ROBO1: variants seen among roughly 807,000 people sequenced by gnomAD.
ROBO1 encodes roundabout guidance receptor 1, also known as roundabout homolog 1.
ROBO1 carries 149 observed loss-of-function variants against 195.9 expected under a neutral mutation model. That is an observed-to-expected ratio of 0.76 (90% CI 0.67 to 0.87). The LOEUF is 0.87. Among genes scored for constraint, ROBO1 ranks in the 40% least tolerant of loss-of-function variants. ROBO1 has a pLI of 0.00. For missense variants in ROBO1, 1,933 were observed against 2,068.3 expected (o/e 0.93, Z 1.27); for synonymous variants, 816 against 733.2 (o/e 1.11, Z -1.82).
chr3:79,227,932 T>C (rs147228004), intron 2 of ROBO1, among the ~76,000 whole-genome samples: 115 of 152,332 alleles, frequency 7.5e-4, no homozygotes, highest in African/African-American at 2.7e-3. Context: ...AATGTCATGT[T>C]CAATAATTGT....
At chr3:79,409,409 T>C (rs940669226) in intron 2 of ROBO1, among the ~76,000 whole-genome samples, 2 of 152,188 alleles carry the variant, frequency 1.3e-5, no homozygotes, top group Non-Finnish European at 2.9e-5. Flanking sequence ...TTATTACTGC[T>C]ATTTTAATTA....
chr3:78,711,185 G>A (rs955015996), intron 8 of ROBO1, among the ~76,000 whole-genome samples: 1 of 152,066 alleles, frequency 6.6e-6, no homozygotes, highest in Non-Finnish European at 1.5e-5. Context: ...TGATCAAATG[G>A]AGCTTACTGT....
At chr3:79,541,433 A>T (rs969034285) in intron 2 of ROBO1, among the ~76,000 whole-genome samples, 1 of 152,098 alleles carries the variant, frequency 6.6e-6, no homozygotes, top group African/African-American at 2.4e-5. Context: ...ACAGAAATTC[A>T]GAGGGATTTT....
rs141015853 is a variant in ROBO1, at chr3:79,425,264, G to A, written c.88+164560C>T. ...CAGAAACTTGTTAGAAACGGACCAC[G>A]CTTCCTTGATGGCGCAGTAACCAAT... On this transcript the variant is annotated intron_variant, in intron 2 of 30. Coordinates refer to ENST00000464233, the MANE Select transcript of ROBO1 (RefSeq NM_002941.4). Among the ~76,000 whole-genome samples the A allele has an allele frequency of 9.2e-5, 14 of 152,240 alleles. No individual in the cohort carries two copies. In the East Asian group the frequency reaches 2.1e-3, roughly 23 times the overall value.
chr3:78,814,223 C>A (rs906879764), intron 4 of ROBO1, among the ~76,000 whole-genome samples: 17 of 151,698 alleles, frequency 1.1e-4, no homozygotes, highest in Admixed American at 6.6e-5. Flanking sequence ...TCCACATTGC[C>A]CAATATTGAT....
rs1466396919 is a variant in ROBO1 at position 78,711,432 on chromosome 3, TTTCTTTCTTTCC to T, written c.1045+2953_1045+2964del. Among the ~76,000 whole-genome samples the T allele has an allele frequency of 2.0e-3, 175 of 88,600 alleles. 2 individuals are homozygous for T. The highest frequency in any genetic ancestry group is 4.7e-3 in the African/African-American group (111 of 23,700). 58.1% of individuals were successfully genotyped at this position (88,600 alleles called of 152,430 possible). A position where few individuals can be genotyped will look rare whatever the true frequency, so the allele number is the denominator to read the frequency against. ...CTTTCTTTCTTTCTTTCTTTCTTTC[TTTCTTTCTTTCC>T]TTCCTTCCTTCCTTCCTTCCTTTTC... On this transcript the variant is annotated intron_variant, in intron 8 of 30. Coordinates refer to ENST00000464233, the MANE Select transcript of ROBO1 (RefSeq NM_002941.4).
rs2034988530 is a variant in ROBO1 at position 79,343,446 on chromosome 3, C to A, written c.89-217907G>T. ...CTGCATACGTTTGCAATCCCACCAG[C>A]AACGAAGGATAATTAATTGGAATTT... On this transcript the variant is annotated intron_variant, in intron 2 of 30. Transcript: ENST00000464233. Among the ~76,000 whole-genome samples the A allele has an allele frequency of 2.0e-5, 3 of 152,006 alleles. No homozygotes were observed. The South Asian group carries it at 6.2e-4, about 32-fold the overall frequency.
At chr3:79,266,632 A>T (rs2029981752) in intron 2 of ROBO1, among the ~76,000 whole-genome samples, 1 of 151,616 alleles carries the variant, frequency 6.6e-6, no homozygotes, top group Admixed American at 6.6e-5. Context: ...TAGAAATATT[A>T]ACACAAACTG....
chr3:78,780,154 T>C (rs914538888), intron 4 of ROBO1, among the ~76,000 whole-genome samples: 5 of 151,990 alleles, frequency 3.3e-5, no homozygotes, highest in African/African-American at 1.2e-4. Flanking sequence ...ATACCTAATG[T>C]AGATGACAGG....
At position 78,627,308 on chromosome 3, in the gene ROBO1, A is replaced by G. The variant is rs367771259; in HGVS notation, c.3875+13T>C. 1.5e-5 allele frequency: 24 copies of G among 1,607,784 alleles called. No individual in the cohort carries two copies. In the African/African-American group the frequency reaches 2.5e-4, roughly 17 times the overall value. ...ATCTGATTTGTTAGCAAAGAAGGCT[A>G]GTGACAACATACCTCCTGTCGGGCT... is the stretch of plus-strand genomic sequence containing the variant. On this transcript the variant is annotated intron_variant, in intron 26 of 30. Coordinates refer to ENST00000464233, the MANE Select transcript of ROBO1 (RefSeq NM_002941.4).
At chr3:78,618,723 T>C (rs995221289) in intron 26 of ROBO1, among the ~76,000 whole-genome samples, 2 of 152,232 alleles carry the variant, frequency 1.3e-5, no homozygotes, top group East Asian at 1.9e-4. Flanking sequence ...TTCTATCTTT[T>C]TTAAAAATAT....
At chr3:78,695,032 T>C (rs776634661) in intron 8 of ROBO1, among the ~76,000 whole-genome samples, 12 of 150,666 alleles carry the variant, frequency 8.0e-5, no homozygotes, top group Non-Finnish European at 1.3e-4. Flanking sequence ...TGCACCCTTT[T>C]CTTGCTTATA....
Position 79,063,811 on chromosome 3 carries a change from G to GA in ROBO1, c.172+61644dup, listed in dbSNP as rs959615758. Among the ~76,000 whole-genome samples the GA allele has an allele frequency of 8.5e-3, 1,268 of 149,704 alleles. 19 individuals are homozygous for GA. Among genetic ancestry groups the GA allele is most frequent in the African/African-American group, 0.029 (1,190 of 40,768 alleles). On this transcript the variant is annotated intron_variant, in intron 3 of 30. Transcript: ENST00000464233. ...TAATTGGATAGAAATAGGCAAACGT[G>GA]AAAAAAAAATGAAAACTTTTTAAGG...
At chr3:79,243,642 G>A (rs2082566546) in intron 2 of ROBO1, among the ~76,000 whole-genome samples, 1 of 152,142 alleles carries the variant, frequency 6.6e-6, no homozygotes. Context: ...CTTTTGAGAA[G>A]TGTCTGTTCA....
chr3:79,437,661 T>C (rs748746243), intron 2 of ROBO1, among the ~76,000 whole-genome samples: 13 of 151,978 alleles, frequency 8.6e-5, no homozygotes, highest in Non-Finnish European at 1.3e-4. Context: ...ATCCTACATA[T>C]GTACTGTATG....
intron 1 of ROBO1, among the ~76,000 whole-genome samples, chr3:79,655,742 G>A (rs914545519): frequency 6.6e-6 from 1 of 152,062 alleles, no homozygotes; most frequent in Non-Finnish European, 1.5e-5. Context: ...AGAAAAGTAA[G>A]CAAGGGAGTA....
chr3:79,342,973 GC>G (rs1200560456), intron 2 of ROBO1, among the ~76,000 whole-genome samples: 1 of 152,058 alleles, frequency 6.6e-6, no homozygotes, highest in Non-Finnish European at 1.5e-5. Flanking sequence ...TAGTTTCACT[GC>G]CCTAAAAATC....
At chr3:78,711,339 C>CCTCCTTTCTTT (rs1559772541) in intron 8 of ROBO1, among the ~76,000 whole-genome samples, 4 of 109,024 alleles carry the variant, frequency 3.7e-5, no homozygotes, top group East Asian at 7.6e-4. Flanking sequence ...TTCCTTCCTT[C>CCTCCTTTCTTT]CTTCCTTCCT....
At position 78,659,817 on chromosome 3, in the gene ROBO1, T is replaced by C; in HGVS notation, c.2321-10A>G. The C allele has an allele frequency of 1.3e-6, 2 of 1,597,470 alleles. No homozygotes were observed. Among genetic ancestry groups the C allele is most frequent in the Non-Finnish European group, 1.7e-6 (2 of 1,172,236 alleles). ...GGTGGGGCACTGGGTGCTATTAAATTGTTTTAAAAGGTAGGTTATTAGAAT... is the reference window on the plus strand; with the variant it reads ...GGTGGGGCACTGGGTGCTATTAAATCGTTTTAAAAGGTAGGTTATTAGAAT... On this transcript the variant is annotated splice_polypyrimidine_tract_variant and intron_variant, in intron 16 of 30. Coordinates refer to ENST00000464233, the MANE Select transcript of ROBO1 (RefSeq NM_002941.4).
Sources: gnomAD v4.1 joint callset for allele counts (sites outside exome capture counted in the v4.1 genomes callset) on GRCh38, gnomAD v4.1.1 for gene constraint, MANE v1.5 for transcripts, NCBI Gene and HGNC (gene_info 2026-07-23, HGNC 2026-07-21) for gene names.